The following RERE variants were observed in gnomAD, a reference collection of about 807,000 sequenced individuals.
The protein encoded by RERE is arginine-glutamic acid dipeptide repeats protein.
Under a neutral mutation model 146.1 loss-of-function variants are expected in RERE, and 40 were observed. The observed-to-expected ratio is 0.27, with a 90% CI of 0.21 to 0.36. The LOEUF is 0.36. Among genes scored for constraint, RERE ranks in the 10% least tolerant of loss-of-function variants. The pLI is 1.00. For missense variants in RERE, 1,933 were observed against 2,138.7 expected (o/e 0.90, Z 1.90); for synonymous variants, 1,003 against 866.0 (o/e 1.16, Z -2.78).
chr1:8,546,762 C>T (rs554229371), intron 6 of RERE, among the ~76,000 whole-genome samples: 6 of 151,398 alleles, frequency 4.0e-5, no homozygotes, highest in South Asian at 2.1e-4. Flanking sequence ...GCAGGAGAAT[C>T]GTTTGAACCT....
chr1:8,759,714 A>G (rs1411002631), intron 1 of RERE, among the ~76,000 whole-genome samples: 4 of 152,186 alleles, frequency 2.6e-5, no homozygotes, highest in Non-Finnish European at 5.9e-5. Context: ...ATTGCAAAAC[A>G]GCCATAAAGA....
At position 8,670,741 on chromosome 1, in the gene RERE, T is replaced by C. The variant is rs1017953598; in HGVS notation, c.-144-14300A>G. 1.1e-4 allele frequency among the ~76,000 whole-genome samples: 16 copies of C among 152,288 alleles called. 1 individual carries two copies. In the South Asian group the frequency reaches 3.3e-3, roughly 32 times the overall value. On this transcript the variant is annotated intron_variant, in intron 1 of 22. Coordinates refer to ENST00000400908, the MANE Select transcript of RERE (RefSeq NM_001042681.2). ...TCCAGGCAACAGCAAAGGGACATGG[T>C]GGCTGAAGCAGTGAGCGCAAGAAGA...
At chr1:8,573,090 C>T (rs1188354911) in intron 4 of RERE, among the ~76,000 whole-genome samples, 1 of 152,182 alleles carries the variant, frequency 6.6e-6, no homozygotes, top group African/African-American at 2.4e-5. Flanking sequence ...CATGAAAACT[C>T]CCAAAGGTGG....
intron 1 of RERE, among the ~76,000 whole-genome samples, chr1:8,660,048 ATAT>A (rs1292346762): frequency 1.3e-5 from 2 of 151,856 alleles, no homozygotes; most frequent in Admixed American, 6.6e-5. Flanking sequence ...TCTGCATGTT[ATAT>A]TAATATATTA....
chr1:8,370,650 G>A (rs1203587075), intron 12 of RERE, among the ~76,000 whole-genome samples: 1 of 152,200 alleles, frequency 6.6e-6, no homozygotes, highest in Non-Finnish European at 1.5e-5. Flanking sequence ...GACTGCATGG[G>A]TGGCAAGGTC....
At chr1:8,727,266 G>A (rs1414072890) in intron 1 of RERE, among the ~76,000 whole-genome samples, 9 of 150,394 alleles carry the variant, frequency 6.0e-5, no homozygotes, top group South Asian at 2.1e-4. Flanking sequence ...CCTCAGCCTC[G>A]TGAGTAGCTG....
intron 1 of RERE, among the ~76,000 whole-genome samples, chr1:8,696,565 G>T (rs909787945): frequency 6.6e-6 from 1 of 152,110 alleles, no homozygotes; most frequent in Admixed American, 6.5e-5. Context: ...AATGAGCTGA[G>T]ATTGTGCCAC....
At chr1:8,571,444 G>C (rs17032677) in intron 4 of RERE, among the ~76,000 whole-genome samples, 5,204 of 152,212 alleles carry the variant, frequency 0.034, 126 homozygotes, top group African/African-American at 0.06. Context: ...TAGAGACACA[G>C]TTTTAGAAAT....
At chr1:8,678,697 AAAAAAT>A (rs1287149922) in intron 1 of RERE, among the ~76,000 whole-genome samples, 9 of 152,078 alleles carry the variant, frequency 5.9e-5, no homozygotes, top group African/African-American at 1.9e-4. Flanking sequence ...TCCATCTCCA[AAAAAAT>A]AAAAATAAAA....
intron 10 of RERE, among the ~76,000 whole-genome samples, chr1:8,491,914 T>C (rs1342032989): frequency 6.6e-6 from 1 of 152,198 alleles, no homozygotes; most frequent in African/African-American, 2.4e-5. Context: ...CAACAATGTA[T>C]ATATCTTTTT....
chr1:8,578,095 A>AG (rs1473706533), intron 4 of RERE, among the ~76,000 whole-genome samples: 1 of 152,096 alleles, frequency 6.6e-6, no homozygotes, highest in East Asian at 1.9e-4. Context: ...CATCCGGGAA[A>AG]GAAAAAAAAA....
intron 1 of RERE, among the ~76,000 whole-genome samples, chr1:8,705,154 G>A (rs1234805873): frequency 6.6e-6 from 1 of 152,154 alleles, no homozygotes; most frequent in Non-Finnish European, 1.5e-5. Flanking sequence ...CCAGTTTATA[G>A]TGAGTTGGAA....
At chr1:8,748,281 T>C (rs1396897917) in intron 1 of RERE, among the ~76,000 whole-genome samples, 1 of 152,156 alleles carries the variant, frequency 6.6e-6, no homozygotes, top group East Asian at 1.9e-4. Context: ...GGATTCTAAC[T>C]CATCCACAAT....
intron 1 of RERE, among the ~76,000 whole-genome samples, chr1:8,691,780 T>C (rs565993511): frequency 5.6e-4 from 85 of 152,354 alleles, no homozygotes; most frequent in African/African-American, 2.0e-3. Flanking sequence ...GGTACTTATA[T>C]GCCACAATTA....
intron 2 of RERE, among the ~76,000 whole-genome samples, chr1:8,648,298 CACTGCTCACTGCAGCCTCA>C (rs1647424948): frequency 6.6e-6 from 1 of 152,298 alleles, no homozygotes; most frequent in Non-Finnish European, 1.5e-5. Flanking sequence ...GTGGTGCAAT[CACTGCTCACTGCAGCCTCA>C]ACCTTCCATG....
chr1:8,540,304 T>G (rs1011758884), intron 7 of RERE, among the ~76,000 whole-genome samples: 2 of 152,108 alleles, frequency 1.3e-5, no homozygotes, highest in Non-Finnish European at 2.9e-5. Context: ...TCTCACCATT[T>G]TGCCTAGCTA....
intron 1 of RERE, among the ~76,000 whole-genome samples, chr1:8,797,880 C>T (rs1641508015): frequency 6.6e-6 from 1 of 152,192 alleles, no homozygotes; most frequent in African/African-American, 2.4e-5. Context: ...GCCTACTATG[C>T]TGAATGAAGA....
chr1:8,553,858 G>A (rs377349666), intron 6 of RERE, among the ~76,000 whole-genome samples: 97 of 152,258 alleles, frequency 6.4e-4, no homozygotes, highest in African/African-American at 2.2e-3. Context: ...AATTATTTAG[G>A]ATAACTTGTT....
At chr1:8,406,760 C>T (rs1643452587) in intron 12 of RERE, among the ~76,000 whole-genome samples, 2 of 151,912 alleles carry the variant, frequency 1.3e-5, no homozygotes, top group South Asian at 2.1e-4. Flanking sequence ...ATAATTAGAA[C>T]ACGTTGAGAA....
Sources: gnomAD v4.1 joint callset for allele counts (sites outside exome capture counted in the v4.1 genomes callset) on GRCh38, gnomAD v4.1.1 for gene constraint, MANE v1.5 for transcripts, NCBI Gene and HGNC (gene_info 2026-07-23, HGNC 2026-07-21) for gene names.